BMP6: variants seen among roughly 807,000 people sequenced by gnomAD.
BMP6 encodes the protein VG-1-R.
In BMP6, 17 loss-of-function variants were observed where a neutral mutation model predicts 54.1. That is an observed-to-expected ratio of 0.31 (90% CI 0.22 to 0.47). The LOEUF (loss-of-function observed/expected upper bound fraction) is 0.47, where lower values mean the gene tolerates loss of function less well. Among genes scored for constraint, BMP6 ranks in the 20% least tolerant of loss-of-function variants. The pLI, the probability that BMP6 is intolerant of heterozygous loss-of-function variation, is 1.00. For missense variants in BMP6, 720 were observed against 690.4 expected (o/e 1.04, Z -0.48); for synonymous variants, 328 against 291.2 (o/e 1.13, Z -1.28).
intron 2 of BMP6, among the ~76,000 whole-genome samples, chr6:7,856,590 A>T (rs754894675): frequency 8.9e-6 from 1 of 112,322 alleles, no homozygotes; most frequent in South Asian, 3.1e-4. Flanking sequence ...CAGTTTATCA[A>T]GAGCATTTTT....
intron 2 of BMP6, among the ~76,000 whole-genome samples, chr6:7,853,773 C>CTT (rs1033382800): frequency 6.6e-6 from 1 of 152,154 alleles, no homozygotes; most frequent in Admixed American, 6.5e-5. Flanking sequence ...AAGCAGTGAG[C>CTT]TTTTCAGTAT....
chr6:7,796,304 C>G (rs1190043794), intron 1 of BMP6, among the ~76,000 whole-genome samples: 1 of 152,180 alleles, frequency 6.6e-6, no homozygotes, highest in Non-Finnish European at 1.5e-5. Flanking sequence ...ACATTGGTGG[C>G]CCAAGGGAGG....
rs373663449 is a variant in BMP6 at position 7,880,437 on chromosome 6, G to C, written c.*94G>C. The C allele has an allele frequency of 6.6e-7, 1 of 1,517,144 alleles. No individual in the cohort carries two copies. 94.0% of individuals were successfully genotyped at this position (1,517,144 alleles called of 1,614,324 possible). On this transcript the variant is annotated 3_prime_UTR_variant, in exon 7 of 7. Coordinates refer to ENST00000283147, the MANE Select transcript of BMP6 (RefSeq NM_001718.6). ...ACGGAAGCACAGTTGGAGGTGGGAC[G>C]ATGAGACTTTGAAACTATCTCATGC...
chr6:7,840,215 C>T (rs571445086), intron 1 of BMP6, among the ~76,000 whole-genome samples: 17 of 152,224 alleles, frequency 1.1e-4, no homozygotes, highest in South Asian at 6.2e-4. Flanking sequence ...GGAGGAGAAC[C>T]GAACAGTGTA....
chr6:7,769,858 T>A (rs1757756986), intron 1 of BMP6, among the ~76,000 whole-genome samples: 1 of 152,252 alleles, frequency 6.6e-6, no homozygotes, highest in African/African-American at 2.4e-5. Context: ...TAGAACCTTG[T>A]CAAATAGATC....
intron 1 of BMP6, among the ~76,000 whole-genome samples, chr6:7,735,919 G>A (rs1225368413): frequency 6.6e-6 from 1 of 152,180 alleles, no homozygotes; most frequent in Non-Finnish European, 1.5e-5. Flanking sequence ...ATTAAACAAG[G>A]AAAAACAAGT....
intron 2 of BMP6, among the ~76,000 whole-genome samples, chr6:7,850,087 T>C (rs779160829): frequency 9.9e-5 from 15 of 152,228 alleles, no homozygotes; most frequent in Non-Finnish European, 2.2e-4. Flanking sequence ...GAAATGCATC[T>C]TAAAATCAAG....
Position 7,768,422 on chromosome 6 carries a change from G to A in BMP6, c.664+40803G>A, listed in dbSNP as rs1410505311. Among the ~76,000 whole-genome samples, 3 of 152,052 alleles carry A rather than the reference G, an allele frequency of 2.0e-5. No individual in the cohort carries two copies. In the South Asian group the frequency reaches 6.2e-4, roughly 32 times the overall value. ...GGTTCCTTTGGAGGTTTCTGCTCTG[G>A]TAAGTTTGAGTCTTTGTTTTGCCCT... On this transcript the variant is annotated intron_variant, in intron 1 of 6. Transcript: ENST00000283147.
At chr6:7,806,143 G>A (rs1758344243) in intron 1 of BMP6, among the ~76,000 whole-genome samples, 1 of 152,190 alleles carries the variant, frequency 6.6e-6, no homozygotes, top group African/African-American at 2.4e-5. Context: ...GCCTCCTGGG[G>A]GCCCCGACAT....
chr6:7,764,091 A>G (rs1757651212), intron 1 of BMP6, among the ~76,000 whole-genome samples: 2 of 152,144 alleles, frequency 1.3e-5, no homozygotes, highest in Admixed American at 6.5e-5. Context: ...AGGGCTTGGG[A>G]GGAGCAGGCG....
At chr6:7,800,796 T>C (rs776661297) in intron 1 of BMP6, among the ~76,000 whole-genome samples, 10 of 151,866 alleles carry the variant, frequency 6.6e-5, no homozygotes, top group Non-Finnish European at 1.0e-4. Flanking sequence ...AAAACTTCAT[T>C]AATTTAAGGA....
chr6:7,880,406 A>T lies in BMP6; in HGVS notation c.*63A>T. 1 of 1,597,168 alleles carries T rather than the reference A, an allele frequency of 6.3e-7. No homozygotes were observed. On this transcript the variant is annotated 3_prime_UTR_variant, in exon 7 of 7. Coordinates refer to ENST00000283147, the MANE Select transcript of BMP6 (RefSeq NM_001718.6). ...GATTCCTAGATTACATCTGCCTTAA[A>T]AAAACACGGAAGCACAGTTGGAGGT...
chr6:7,760,978 C>T (rs114310583), intron 1 of BMP6, among the ~76,000 whole-genome samples: 1,559 of 152,278 alleles, frequency 0.01, 21 homozygotes, highest in African/African-American at 0.036. Context: ...GTTCTTTCTC[C>T]CTGGATTAAC....
At chr6:7,856,938 T>C (rs1384407350) in intron 2 of BMP6, among the ~76,000 whole-genome samples, 1 of 152,196 alleles carries the variant, frequency 6.6e-6, no homozygotes, top group Non-Finnish European at 1.5e-5. Context: ...GTAAACACTG[T>C]TGTACTTTGA....
At chr6:7,759,327 G>A (rs146015938) in intron 1 of BMP6, among the ~76,000 whole-genome samples, 243 of 152,272 alleles carry the variant, frequency 1.6e-3, no homozygotes, top group Non-Finnish European at 2.7e-3. Context: ...TGGAGGGGAC[G>A]TCTGTGCACA....
chr6:7,769,939 C>T (rs796468327), intron 1 of BMP6, among the ~76,000 whole-genome samples: 11 of 152,166 alleles, frequency 7.2e-5, no homozygotes, highest in South Asian at 2.1e-4. Context: ...GTCATTCTTG[C>T]ATCAAAAACC....
chr6:7,727,714 C>T (rs1761768332), intron 1 of BMP6, 95 bp downstream of exon 1: 2 of 1,336,812 alleles, frequency 1.5e-6, no homozygotes, highest in African/African-American at 1.5e-5. Context: ...GAGCTCCCGG[C>T]GCGCGGGTCC....
At chr6:7,857,598 A>G (rs181594064) in intron 2 of BMP6, among the ~76,000 whole-genome samples, 1 of 152,334 alleles carries the variant, frequency 6.6e-6, no homozygotes, top group African/African-American at 2.4e-5. Context: ...CACACATTTT[A>G]GGTGAGAACA....
At chr6:7,794,591 C>T (rs1285554480) in intron 1 of BMP6, among the ~76,000 whole-genome samples, 1 of 138,272 alleles carries the variant, frequency 7.2e-6, no homozygotes, top group Admixed American at 7.5e-5. Flanking sequence ...CAGAATGAAA[C>T]CCTGTCCCAA....
Sources: allele counts gnomAD v4.1 joint callset (sites outside exome capture counted in the v4.1 genomes callset), GRCh38; gene constraint gnomAD v4.1.1; transcripts MANE v1.5; gene names NCBI Gene and HGNC (gene_info 2026-07-23, HGNC 2026-07-21).